PPM1L: variants seen among roughly 807,000 people sequenced by gnomAD.
PPM1L encodes the protein protein phosphatase, Mg2+/Mn2+ dependent 1L.
PPM1L carries 13 observed loss-of-function variants against 31.4 expected under a neutral mutation model. The observed-to-expected ratio is 0.41, with a 90% CI of 0.27 to 0.66. PPM1L has a LOEUF of 0.66. PPM1L is among the 30% of genes least tolerant of loss of function. The pLI, the probability that PPM1L is intolerant of heterozygous loss-of-function variation, is 0.29. For missense variants in PPM1L, 326 were observed against 453.7 expected, an observed-to-expected ratio of 0.72 and a Z score of 2.56; for synonymous variants, 184 against 175.4, an observed-to-expected ratio of 1.05 and a Z score of -0.39.
At chr3:161,033,324 G>T (rs1718636862) in intron 2 of PPM1L, among the ~76,000 whole-genome samples, 2 of 152,024 alleles carry the variant, frequency 1.3e-5, no homozygotes, top group South Asian at 4.1e-4. Flanking sequence ...TTTCTTCACA[G>T]AATTAGAAAA....
chr3:161,011,231 A>C (rs1466731008), intron 2 of PPM1L, among the ~76,000 whole-genome samples: 1 of 152,246 alleles, frequency 6.6e-6, no homozygotes, highest in Non-Finnish European at 1.5e-5. Flanking sequence ...AGCTTTCTAC[A>C]TATGGCAAGC....
At chr3:160,823,361 A>G (rs1437421422) in intron 1 of PPM1L, among the ~76,000 whole-genome samples, 4 of 144,950 alleles carry the variant, frequency 2.8e-5, no homozygotes, top group African/African-American at 1.1e-4. Flanking sequence ...GTGCAAATGT[A>G]TAAATGATTT....
At chr3:160,860,452 G>A (rs1248145009) in intron 1 of PPM1L, among the ~76,000 whole-genome samples, 4 of 152,142 alleles carry the variant, frequency 2.6e-5, no homozygotes, top group African/African-American at 9.7e-5. Flanking sequence ...GTGTAAAAAT[G>A]TATCACAAAG....
intron 2 of PPM1L, among the ~76,000 whole-genome samples, chr3:161,022,657 C>CTTTTTTTTTTTTTTTT (rs71147399): frequency 1.1e-5 from 1 of 93,716 alleles, no homozygotes; most frequent in African/African-American, 4.8e-5. Context: ...ATTTCTCCTT[C>CTTTTTTTTTTTTTTTT]TTTTTTTTTT....
At chr3:160,776,848 C>G (rs1020239669) in intron 1 of PPM1L, among the ~76,000 whole-genome samples, 1 of 151,940 alleles carries the variant, frequency 6.6e-6, no homozygotes, top group Non-Finnish European at 1.5e-5. Flanking sequence ...ATCCACCTGT[C>G]TTGGCCTCCC....
In PPM1L at chr3:161,073,390, T is replaced by C. The variant is rs1324922654; in HGVS notation, c.*4233T>C. 3 of 152,186 alleles carry C rather than the reference T, an allele frequency of 2.0e-5. No homozygotes were observed. The highest frequency in any genetic ancestry group is 2.9e-5 in the Non-Finnish European group (2 of 68,024). The allele number at this position is 152,186 out of a possible 1,614,324, so 9.4% of individuals were successfully genotyped here. ...GGTATATTGAAATATTGCTGTGTTT[T>C]CATTCACGATGACTCTTAGTAGCAG... On this transcript the variant is annotated 3_prime_UTR_variant, in exon 4 of 4. Coordinates refer to ENST00000498165, the MANE Select transcript of PPM1L (RefSeq NM_139245.4).
At chr3:160,904,177 T>C (rs1713662831) in intron 1 of PPM1L, among the ~76,000 whole-genome samples, 7 of 152,178 alleles carry the variant, frequency 4.6e-5, no homozygotes, top group Admixed American at 4.6e-4. Context: ...TAAAATAAGT[T>C]TTCTACGTGA....
chr3:160,891,388 TG>T (rs1713132398), intron 1 of PPM1L, among the ~76,000 whole-genome samples: 1 of 151,972 alleles, frequency 6.6e-6, no homozygotes, highest in African/African-American at 2.4e-5. Flanking sequence ...CCAACAACTA[TG>T]AAAAAAAGCT....
At chr3:160,974,389 T>A (rs2108027365) in intron 2 of PPM1L, among the ~76,000 whole-genome samples, 1 of 152,208 alleles carries the variant, frequency 6.6e-6, no homozygotes, top group South Asian at 2.1e-4. Context: ...GTATATCCAG[T>A]AATGGGATGG....
intron 1 of PPM1L, among the ~76,000 whole-genome samples, chr3:160,901,515 C>G (rs1376164724): frequency 1.3e-5 from 2 of 152,174 alleles, no homozygotes; most frequent in African/African-American, 4.8e-5. Context: ...GGTCTACTTG[C>G]TATTCTTCCC....
At chr3:160,901,208 C>T (rs1713531179) in intron 1 of PPM1L, among the ~76,000 whole-genome samples, 1 of 152,080 alleles carries the variant, frequency 6.6e-6, no homozygotes, top group East Asian at 1.9e-4. Flanking sequence ...CTGCATGTTT[C>T]CCATTGTATA....
chr3:160,769,789 A>T lies in PPM1L; in HGVS notation c.399+13082A>T, dbSNP rs370611227. On this transcript the variant is annotated intron_variant, in intron 1 of 3. Transcript: ENST00000498165. ...AGGATTTTTGTTCTTTAATTATTAG[A>T]TATTGTAAGTGTTATTTTGTTTTAA... Among the ~76,000 whole-genome samples the T allele has an allele frequency of 2.8e-4, 43 of 152,150 alleles. No individual in the cohort carries two copies. In the South Asian group the frequency reaches 8.5e-3, roughly 30 times the overall value.
intron 2 of PPM1L, among the ~76,000 whole-genome samples, chr3:160,999,404 T>C (rs764507844): frequency 6.6e-6 from 1 of 152,136 alleles, no homozygotes; most frequent in Non-Finnish European, 1.5e-5. Flanking sequence ...ACTCATAACA[T>C]ATATTTGTGA....
At chr3:160,884,496 T>G (rs1242972558) in intron 1 of PPM1L, among the ~76,000 whole-genome samples, 1 of 152,198 alleles carries the variant, frequency 6.6e-6, no homozygotes, top group Non-Finnish European at 1.5e-5. Context: ...GTGACCTATG[T>G]GCTGTAAGGG....
intron 2 of PPM1L, among the ~76,000 whole-genome samples, chr3:160,970,464 T>G (rs1303560335): frequency 6.6e-6 from 1 of 150,878 alleles, no homozygotes; most frequent in Admixed American, 6.6e-5. Flanking sequence ...TTTTTTTTTT[T>G]TTTGAGATGG....
At chr3:160,901,672 C>T (rs1435249084) in intron 1 of PPM1L, among the ~76,000 whole-genome samples, 1 of 152,142 alleles carries the variant, frequency 6.6e-6, no homozygotes, top group African/African-American at 2.4e-5. Flanking sequence ...GAATATGCCT[C>T]ATATGATGTA....
chr3:160,944,812 A>ATATATGT (rs1553748154), intron 1 of PPM1L, among the ~76,000 whole-genome samples: 1 of 18,042 alleles, frequency 5.5e-5, no homozygotes, highest in African/African-American at 1.4e-4. Flanking sequence ...CATATATAAC[A>ATATATGT]TATATATGTT....
intron 2 of PPM1L, among the ~76,000 whole-genome samples, chr3:160,963,143 T>G (rs1013607400): frequency 6.6e-6 from 1 of 152,024 alleles, no homozygotes; most frequent in Non-Finnish European, 1.5e-5. Context: ...TCATAGCATC[T>G]TATAGATCAT....
At chr3:160,996,740 A>T (rs766855569) in intron 2 of PPM1L, among the ~76,000 whole-genome samples, 2 of 152,136 alleles carry the variant, frequency 1.3e-5, no homozygotes, top group Non-Finnish European at 2.9e-5. Context: ...ACCACTAAAG[A>T]ACTTAACACC....
Sources: allele counts gnomAD v4.1 joint callset (sites outside exome capture counted in the v4.1 genomes callset), GRCh38; gene constraint gnomAD v4.1.1; transcripts MANE v1.5; gene names NCBI Gene and HGNC (gene_info 2026-07-23, HGNC 2026-07-21).